Variants in BEST3 observed in about 807,000 individuals in gnomAD.
BEST3 encodes bestrophin-3.
Under a neutral mutation model 47.1 loss-of-function variants are expected in BEST3, and 50 were observed. The ratio of observed to expected loss-of-function variants is 1.06; its 90% CI spans 0.85 to 1.34. The LOEUF is 1.34. BEST3 is among the 40% of genes most tolerant of loss of function. The pLI is 0.00. For missense variants in BEST3, 765 were observed against 817.0 expected (o/e 0.94, Z 0.78); for synonymous variants, 282 against 298.8 (o/e 0.94, Z 0.58).
Position 69,655,676 on chromosome 12 carries a change from T to C in BEST3, c.1238A>G (p.Tyr413Cys). The C allele has an allele frequency of 1.2e-6, 2 of 1,614,018 alleles. No homozygotes were observed. Among genetic ancestry groups the C allele is most frequent in the Non-Finnish European group, 1.7e-6 (2 of 1,179,988 alleles). ...EHPSSPRRRS[Y>C]RRQTSDSSMF... ...GGAGCTGTCACTTGTCTGCCTCCTG[T>C]AGCTTCTTCTTCTGGGGCTGGAGGG... is the stretch of plus-strand genomic sequence containing the variant. The change falls in exon 10 of 10, where the codon TAC (tyrosine) becomes TGC (cysteine). Residue 413 changes from tyrosine to cysteine, a missense_variant. By Grantham distance (194) the Tyr-to-Cys change is radical. Transcript: ENST00000330891.
intron 9 of BEST3, among the ~76,000 whole-genome samples, chr12:69,663,849 A>T (rs1884018296): frequency 1.3e-5 from 2 of 152,198 alleles, no homozygotes; most frequent in South Asian, 4.1e-4. Context: ...AAAACCAAAC[A>T]AAAGCAAGAA....
rs200831770 is a variant in BEST3 at position 69,697,901 on chromosome 12, A to T, written c.-15-88T>A. 4.4e-4 allele frequency: 459 copies of T among 1,038,326 alleles called. 6 individuals carry two copies. The East Asian group carries it at 0.012, about 27-fold the overall frequency. The allele number at this position is 1,038,326 out of a possible 1,614,324, so 64.3% of individuals were successfully genotyped here. A position where few individuals can be genotyped will look rare whatever the true frequency, so the allele number is the denominator to read the frequency against. On this transcript the variant is annotated intron_variant, in intron 1 of 9. Transcript: ENST00000330891. ...TATGTCTGTATATCAAGGAAATTCA[A>T]GCCAGCAACTAGTCAGCCATATCTC...
intron 9 of BEST3, among the ~76,000 whole-genome samples, chr12:69,644,965 C>T (rs756208722): frequency 6.6e-6 from 1 of 151,990 alleles, no homozygotes; most frequent in Non-Finnish European, 1.5e-5. Flanking sequence ...GATTCAAATC[C>T]ATCAGCTATT....
chr12:69,662,103 C>T (rs572968418), intron 9 of BEST3, among the ~76,000 whole-genome samples: 2 of 152,294 alleles, frequency 1.3e-5, no homozygotes, highest in South Asian at 4.2e-4. Context: ...ACTGATTGCC[C>T]ATGGTGACCT....
At chr12:69,682,366 G>A (rs1371325766) in intron 4 of BEST3, among the ~76,000 whole-genome samples, 1 of 152,114 alleles carries the variant, frequency 6.6e-6, no homozygotes, top group Non-Finnish European at 1.5e-5. Context: ...ACCAACAGGA[G>A]ACTAGTTTTA....
At chr12:69,680,273 A>G (rs1363496898) in intron 4 of BEST3, among the ~76,000 whole-genome samples, 2 of 150,522 alleles carry the variant, frequency 1.3e-5, no homozygotes, top group Non-Finnish European at 3.0e-5. Flanking sequence ...TTTGTTTGCA[A>G]CAAGATGCAC....
chr12:69,677,234 C>A lies in BEST3; in HGVS notation c.660G>T (p.Trp220Cys), dbSNP rs755555260. The A allele has an allele frequency of 6.2e-7, 1 of 1,613,212 alleles. No homozygotes were observed. The highest frequency in any genetic ancestry group is 2.2e-5 in the East Asian group (1 of 44,836). The part of the protein sequence containing the change: ...LMTEMNRYRS[W>C]CSLLFGYDWV... ...AGTCATAACCGAATAAGAGGCTGCA[C>A]CAAGAGCGGTATCGATTCATTTCCT... The change falls in exon 6 of 10, where the codon TGG (tryptophan) becomes TGT (cysteine). Residue 220 changes from tryptophan (W) to cysteine (C), a missense_variant. Transcript: ENST00000330891.
intron 4 of BEST3, chr12:69,684,347 T>C: frequency 2.4e-6 from 1 of 418,862 alleles, no homozygotes; most frequent in South Asian, 8.9e-5. Flanking sequence ...AGTTGTGGTT[T>C]GATGGAGCAG....
At chr12:69,676,281 G>A (rs1021561200) in intron 7 of BEST3, among the ~76,000 whole-genome samples, 7 of 152,112 alleles carry the variant, frequency 4.6e-5, no homozygotes, top group African/African-American at 1.4e-4. Flanking sequence ...GACCAGGCGC[G>A]GTGGCTCACG....
Position 69,654,947 on chromosome 12 carries a change from A to G in BEST3, c.1967T>C (p.Ile656Thr), listed in dbSNP as rs750989316. ...MENLDTKETD[I>T]IELNKETEES... The stretch of plus-strand genomic sequence containing the variant: ...CTCAGTTTCCTTGTTCAGCTCTATG[A>G]TATCTGTTTCCTTGGTGTCCAGGTT... Residue 656 changes from isoleucine to threonine, a missense_variant, in exon 10 of 10, where the codon ATC (isoleucine) becomes ACC (threonine). Transcript: ENST00000330891. The G allele has an allele frequency of 1.6e-5, 26 of 1,613,850 alleles. No homozygotes were observed. The highest frequency in any genetic ancestry group is 1.3e-4 in the Admixed American group (8 of 59,976).
intron 4 of BEST3, among the ~76,000 whole-genome samples, chr12:69,679,956 G>A (rs1241804527): frequency 6.6e-6 from 1 of 151,384 alleles, no homozygotes; most frequent in Admixed American, 6.6e-5. Flanking sequence ...AATTTGCTTG[G>A]GCTTGCAGTG....
intron 7 of BEST3, among the ~76,000 whole-genome samples, chr12:69,674,954 A>G (rs538041771): frequency 7.0e-6 from 1 of 142,438 alleles, no homozygotes; most frequent in African/African-American, 2.6e-5. Context: ...CTGGAGTGCA[A>G]TGGCTTGATC....
At chr12:69,676,248 G>A (rs1280749893) in intron 7 of BEST3, among the ~76,000 whole-genome samples, 1 of 152,048 alleles carries the variant, frequency 6.6e-6, no homozygotes, top group African/African-American at 2.4e-5. Context: ...CTCAGTTCTG[G>A]TTTTGAAAAT....
At chr12:69,668,138 G>T (rs1884343898) in intron 9 of BEST3, among the ~76,000 whole-genome samples, 2 of 152,132 alleles carry the variant, frequency 1.3e-5, no homozygotes, top group African/African-American at 4.8e-5. Context: ...TCTTGCAGGT[G>T]GCCCTTGGAG....
chr12:69,680,370 G>A lies in BEST3; in HGVS notation c.482-1477C>T, dbSNP rs151024290. Among the ~76,000 whole-genome samples, 1,312 of 136,570 alleles carry A rather than the reference G, an allele frequency of 9.6e-3. 24 individuals are homozygous for A. Among genetic ancestry groups the A allele is most frequent in the African/African-American group, 0.033 (1,204 of 36,326 alleles). The allele number at this position is 136,570 out of a possible 152,430, so 89.6% of individuals were successfully genotyped here. ...GTCACCCAGGCTGGAGTGCAGTGGC[G>A]CGATCTCAGCTCACTGCAAGCTCTG... On this transcript the variant is annotated intron_variant, in intron 4 of 9. Transcript: ENST00000330891.
chr12:69,649,797 AT>A (rs1450183623), downstream of BEST3, among the ~76,000 whole-genome samples: 1 of 152,254 alleles, frequency 6.6e-6, no homozygotes, highest in Non-Finnish European at 1.5e-5. Flanking sequence ...GTGCAAAGCC[AT>A]CTCTGGCTGA....
intron 5 of BEST3, 94 bp downstream of exon 5, chr12:69,678,644 GA>G: frequency 8.0e-7 from 1 of 1,245,420 alleles, no homozygotes; most frequent in Non-Finnish European, 1.1e-6. Flanking sequence ...AACCAGGACT[GA>G]ACAAAGCTGA....
chr12:69,672,015 A>G (rs1020775120), intron 8 of BEST3, among the ~76,000 whole-genome samples: 2 of 152,184 alleles, frequency 1.3e-5, no homozygotes, highest in Admixed American at 6.5e-5. Flanking sequence ...ATCACTTCTT[A>G]TATGCCCTGG....
rs144117090 is a variant in BEST3, at chr12:69,673,659, G to T, written c.868-694C>A. On this transcript the variant is annotated intron_variant, in intron 7 of 9. Coordinates refer to ENST00000330891, the MANE Select transcript of BEST3 (RefSeq NM_032735.3). The stretch of plus-strand genomic sequence containing the variant: ...GGGTTTCACCATGTTGGCCAGGCTA[G>T]TCTTGAACCCCTGAGCTCAGGTGTT... Among the ~76,000 whole-genome samples, 670 of 152,208 alleles carry T rather than the reference G, an allele frequency of 4.4e-3. 6 individuals are homozygous for T. Among genetic ancestry groups the T allele is most frequent in the African/African-American group, 0.016 (662 of 41,536 alleles).
Sources: allele counts gnomAD v4.1 joint callset (sites outside exome capture counted in the v4.1 genomes callset), GRCh38; gene constraint gnomAD v4.1.1; transcripts MANE v1.5; gene names NCBI Gene and HGNC (gene_info 2026-07-23, HGNC 2026-07-21).